Variants in ARB2A observed in about 807,000 individuals in gnomAD.
The protein encoded by ARB2A is cotranscriptional regulator ARB2A.
At chr5:93,883,924 T>TACACACACACACACACACACACAC in the ARB2A span, among the ~76,000 whole-genome samples, 2 of 133,906 alleles carry the variant, frequency 1.5e-5, no homozygotes, top group Non-Finnish European at 3.2e-5. Flanking sequence ...CACATACACA[T>TACACACACACACACACACACACAC]ACACACACAC....
the ARB2A span, among the ~76,000 whole-genome samples, chr5:94,107,855 C>G: frequency 1.3e-5 from 2 of 152,208 alleles, no homozygotes; most frequent in Admixed American, 6.5e-5. Context: ...CCAACTGTCT[C>G]AATTCCGAAC....
At chr5:93,963,795 G>A in the ARB2A span, among the ~76,000 whole-genome samples, 3 of 151,930 alleles carry the variant, frequency 2.0e-5, no homozygotes, top group East Asian at 1.9e-4. Flanking sequence ...TTTCACACAC[G>A]ATTACAATCT....
the ARB2A span, among the ~76,000 whole-genome samples, chr5:93,758,959 G>A: frequency 2.6e-5 from 4 of 151,992 alleles, no homozygotes; most frequent in African/African-American, 9.7e-5. Flanking sequence ...GAAACAAAAA[G>A]CTGATCATTT....
the ARB2A span, among the ~76,000 whole-genome samples, chr5:93,790,593 G>A: frequency 6.6e-6 from 1 of 152,108 alleles, no homozygotes; most frequent in South Asian, 2.1e-4. Context: ...AACAGAATTG[G>A]TGAAGCAATA....
At chr5:93,959,167 T>C in the ARB2A span, among the ~76,000 whole-genome samples, 8 of 152,064 alleles carry the variant, frequency 5.3e-5, no homozygotes, top group Non-Finnish European at 7.4e-5. Flanking sequence ...CAAGACATGA[T>C]AGTAATTTAA....
the ARB2A span, among the ~76,000 whole-genome samples, chr5:94,085,112 G>C: frequency 6.6e-6 from 1 of 152,136 alleles, no homozygotes; most frequent in Non-Finnish European, 1.5e-5. Flanking sequence ...ACTAGCATGA[G>C]ATATCCAAGT....
chr5:93,887,641 T>C, the ARB2A span, among the ~76,000 whole-genome samples: 2 of 151,986 alleles, frequency 1.3e-5, no homozygotes, highest in African/African-American at 4.8e-5. Context: ...CAGATGCAGA[T>C]AGTTTTAAGC....
chr5:93,957,347 T>C, the ARB2A span, among the ~76,000 whole-genome samples: 2 of 152,188 alleles, frequency 1.3e-5, no homozygotes, highest in Non-Finnish European at 2.9e-5. Context: ...TACTAAGTTA[T>C]ATTTTCAAAT....
chr5:93,767,122 T>C, the ARB2A span, among the ~76,000 whole-genome samples: 1 of 152,044 alleles, frequency 6.6e-6, no homozygotes, highest in Non-Finnish European at 1.5e-5. Flanking sequence ...CACACCAACA[T>C]GGCACATGTA....
At chr5:93,892,108 A>C in the ARB2A span, among the ~76,000 whole-genome samples, 4 of 152,206 alleles carry the variant, frequency 2.6e-5, no homozygotes, top group Non-Finnish European at 5.9e-5. Context: ...CAGAGAATAG[A>C]CCCATCACAA....
chr5:94,050,747 T>C, the ARB2A span: 1 of 1,605,648 alleles, frequency 6.2e-7, no homozygotes, highest in Non-Finnish European at 8.5e-7. Context: ...TAGAGCCTCG[T>C]ATCTTTTCTG....
the ARB2A span, among the ~76,000 whole-genome samples, chr5:94,097,357 A>G: frequency 6.6e-6 from 1 of 152,170 alleles, no homozygotes; most frequent in Non-Finnish European, 1.5e-5. Flanking sequence ...GATGTCACCT[A>G]ACCATCGAAG....
chr5:94,101,424 C>T, the ARB2A span, among the ~76,000 whole-genome samples: 3 of 152,152 alleles, frequency 2.0e-5, no homozygotes, highest in Admixed American at 6.5e-5. Flanking sequence ...TACCATTTGA[C>T]GCTGCAATAC....
the ARB2A span, among the ~76,000 whole-genome samples, chr5:93,666,059 C>T: frequency 6.6e-6 from 1 of 152,066 alleles, no homozygotes; most frequent in South Asian, 2.1e-4. Context: ...CCACAAAGGA[C>T]TAGATGAATA....
chr5:94,061,309 T>C, the ARB2A span, among the ~76,000 whole-genome samples: 4 of 152,176 alleles, frequency 2.6e-5, no homozygotes, highest in Non-Finnish European at 5.9e-5. Flanking sequence ...AAGGGCCTTC[T>C]TCAACATGAT....
the ARB2A span, among the ~76,000 whole-genome samples, chr5:93,742,154 G>A: frequency 1.3e-5 from 2 of 151,622 alleles, no homozygotes; most frequent in Non-Finnish European, 2.9e-5. Context: ...TTCTACCCCC[G>A]ACCCCACCCC....
chr5:93,994,953 T>C, the ARB2A span, among the ~76,000 whole-genome samples: 1 of 151,898 alleles, frequency 6.6e-6, no homozygotes, highest in South Asian at 2.1e-4. Flanking sequence ...TATATAAATG[T>C]ATAAAATATA....
chr5:93,913,470 G>A, the ARB2A span, among the ~76,000 whole-genome samples: 1 of 151,742 alleles, frequency 6.6e-6, no homozygotes, highest in Non-Finnish European at 1.5e-5. Flanking sequence ...TGTCCTCCTC[G>A]GATACTAGAG....
At chr5:93,649,579 T>C in the ARB2A span, among the ~76,000 whole-genome samples, 1 of 152,250 alleles carries the variant, frequency 6.6e-6, no homozygotes, top group Non-Finnish European at 1.5e-5. Flanking sequence ...ACTCCAAATC[T>C]GTGTATAAAT....
Sources: allele counts gnomAD v4.1 joint callset (sites outside exome capture counted in the v4.1 genomes callset), GRCh38; gene constraint gnomAD v4.1.1; transcripts MANE v1.5; gene names NCBI Gene and HGNC (gene_info 2026-07-23, HGNC 2026-07-21).